SEPTIN9: variants seen among roughly 807,000 people sequenced by gnomAD.
SEPTIN9 encodes septin-9.
In SEPTIN9, 13 loss-of-function variants were observed where a neutral mutation model predicts 56.6. The ratio of observed to expected loss-of-function variants is 0.23; its 90% CI spans 0.15 to 0.37. The LOEUF is 0.37. Ranked by LOEUF, SEPTIN9 falls within the 10% of genes least tolerant of loss-of-function variation. The pLI is 1.00. For synonymous variants in SEPTIN9, 332 were observed against 334.1 expected (o/e 0.99, Z 0.07); for missense variants, 650 against 823.1 (o/e 0.79, Z 2.57).
At chr17:77,469,216 G>A (rs2038874995) in intron 3 of SEPTIN9, 1 of 152,768 alleles carries the variant, frequency 6.5e-6, no homozygotes. Flanking sequence ...AAGTCAGCTA[G>A]GGAGAGGGGC....
chr17:77,407,608 T>C (rs964319758), intron 3 of SEPTIN9, among the ~76,000 whole-genome samples: 2 of 151,804 alleles, frequency 1.3e-5, no homozygotes, highest in African/African-American at 4.8e-5. Context: ...GGCACCTAGA[T>C]GGTTGAAGGG....
intron 1 of SEPTIN9, among the ~76,000 whole-genome samples, chr17:77,306,792 C>T (rs553898320): frequency 2.2e-4 from 34 of 152,346 alleles, no homozygotes; most frequent in African/African-American, 7.5e-4. Context: ...GTCTGATGGA[C>T]GTGGGCTCAC....
chr17:77,393,865 C>G (rs2035621520), intron 2 of SEPTIN9, among the ~76,000 whole-genome samples: 2 of 152,178 alleles, frequency 1.3e-5, no homozygotes, highest in South Asian at 4.1e-4. Context: ...GGATTACAGG[C>G]ATGAGCCACC....
intron 1 of SEPTIN9, among the ~76,000 whole-genome samples, chr17:77,298,041 G>T (rs937363311): frequency 1.3e-5 from 2 of 152,170 alleles, no homozygotes; most frequent in African/African-American, 4.8e-5. Context: ...GGAGGGAGAC[G>T]CAGGTCAAAG....
In SEPTIN9 at chr17:77,311,234, C is replaced by A. The variant is rs2032480870; in HGVS notation, c.76+4037C>A. ...GGCAAGGAAGGACCCCCCCCCCACC[C>A]CACCCCAGAGCCTCCCTAGGGAGTG... is the stretch of plus-strand genomic sequence containing the variant. On this transcript the variant is annotated intron_variant, in intron 2 of 11. Transcript: ENST00000427177. 2.0e-5 allele frequency among the ~76,000 whole-genome samples: 3 copies of A among 150,254 alleles called. No homozygotes were observed. In the South Asian group the frequency reaches 6.4e-4, roughly 32 times the overall value.
At chr17:77,415,216 G>T (rs151117732) in intron 3 of SEPTIN9, among the ~76,000 whole-genome samples, 1 of 152,166 alleles carries the variant, frequency 6.6e-6, no homozygotes, top group Non-Finnish European at 1.5e-5. Context: ...CGGCTGGAGC[G>T]GCCCTGGGTT....
Position 77,421,853 on chromosome 17 carries a change from T to C in SEPTIN9, c.721+19150T>C, listed in dbSNP as rs1292280427. Among the ~76,000 whole-genome samples, 1 of 151,482 alleles carries C rather than the reference T, an allele frequency of 6.6e-6. No individual in the cohort carries two copies. Among genetic ancestry groups the C allele is most frequent in the Non-Finnish European group, 1.5e-5 (1 of 67,840 alleles). On this transcript the variant is annotated intron_variant, in intron 3 of 11. Coordinates refer to ENST00000427177, the MANE Select transcript of SEPTIN9 (RefSeq NM_001113491.2). This position sits in a 1 kb window ranked among gnomAD's most constrained non-coding sequence, Gnocchi z 4.6. Reference sequence around the variant, plus strand: ...GAAGGTTCTGCTAAGCTCCATGGAGTGTAGGGATTTTTTTTGAGACGGTCT... The same window carrying C: ...GAAGGTTCTGCTAAGCTCCATGGAGCGTAGGGATTTTTTTTGAGACGGTCT...
chr17:77,445,449 TTGG>T lies in SEPTIN9; in HGVS notation c.722-36688_722-36686del. 2 of 469,858 alleles carry T rather than the reference TTGG, an allele frequency of 4.3e-6. No homozygotes were observed. Among genetic ancestry groups the T allele is most frequent in the Non-Finnish European group, 8.8e-6 (2 of 226,576 alleles). The allele number at this position is 469,858 out of a possible 1,614,324, so 29.1% of individuals were successfully genotyped here. A position where few individuals can be genotyped will look rare whatever the true frequency, so the allele number is the denominator to read the frequency against. On this transcript the variant is annotated intron_variant, in intron 3 of 11. Transcript: ENST00000427177. This position sits in a 1 kb window ranked among gnomAD's most constrained non-coding sequence, Gnocchi z 4.7. ...CTGAGCTCTGTGCTCACAACCTGGC[TTGG>T]TGGTGGCCGAGGAGCTTGGCAGGAG...
intron 3 of SEPTIN9, among the ~76,000 whole-genome samples, chr17:77,417,841 G>C (rs112625048): frequency 0.02 from 3,066 of 152,292 alleles, 100 homozygotes; most frequent in African/African-American, 0.062. Flanking sequence ...CTACCGGAGG[G>C]GGGGTTCCAG....
chr17:77,324,102 C>T (rs112852737), intron 2 of SEPTIN9, among the ~76,000 whole-genome samples: 3,062 of 152,312 alleles, frequency 0.02, 48 homozygotes, highest in Non-Finnish European at 0.028. Context: ...CCACACCACT[C>T]GACCTCTGCC....
intron 3 of SEPTIN9, among the ~76,000 whole-genome samples, chr17:77,438,440 A>G (rs11869852): frequency 1.6e-3 from 251 of 152,338 alleles, no homozygotes; most frequent in African/African-American, 5.8e-3. Context: ...AGCACCTGGG[A>G]CTACGTTAGG....
chr17:77,295,551 C>G (rs558910303), intron 1 of SEPTIN9, among the ~76,000 whole-genome samples: 1 of 152,142 alleles, frequency 6.6e-6, no homozygotes, highest in African/African-American at 2.4e-5. Context: ...GAACCCAGCC[C>G]AAAGCCAGCA....
At chr17:77,477,767 C>CGGA (rs1357206388) in intron 3 of SEPTIN9, among the ~76,000 whole-genome samples, 2 of 152,058 alleles carry the variant, frequency 1.3e-5, no homozygotes, top group Non-Finnish European at 2.9e-5. Context: ...CTCCCAGCTG[C>CGGA]GGAGCCGGGA....
chr17:77,438,114 G>A (rs2037416351), intron 3 of SEPTIN9, among the ~76,000 whole-genome samples: 1 of 152,212 alleles, frequency 6.6e-6, no homozygotes, highest in Non-Finnish European at 1.5e-5. Flanking sequence ...TGACCGAAAG[G>A]AGCTGAAGGT....
intron 3 of SEPTIN9, among the ~76,000 whole-genome samples, chr17:77,448,771 T>A (rs1186162711): frequency 6.6e-6 from 1 of 152,102 alleles, no homozygotes; most frequent in African/African-American, 2.4e-5. Flanking sequence ...TTTAATGATT[T>A]CCTTTTTCTT....
At chr17:77,463,103 G>A (rs1206595124) in intron 3 of SEPTIN9, among the ~76,000 whole-genome samples, 1 of 152,222 alleles carries the variant, frequency 6.6e-6, no homozygotes, top group Non-Finnish European at 1.5e-5. Flanking sequence ...AGATGAGGCT[G>A]TTCCTTTCCG....
At chr17:77,314,731 G>GC (rs1217797697) in intron 2 of SEPTIN9, among the ~76,000 whole-genome samples, 1 of 152,212 alleles carries the variant, frequency 6.6e-6, no homozygotes, top group Non-Finnish European at 1.5e-5. Context: ...TTTCCCGAAG[G>GC]CCCCTGCTGC....
At chr17:77,424,222 C>G (rs1171488454) in intron 3 of SEPTIN9, among the ~76,000 whole-genome samples, 1 of 152,254 alleles carries the variant, frequency 6.6e-6, no homozygotes, top group Non-Finnish European at 1.5e-5. Context: ...GAGAAGGCAC[C>G]GAGGCACAGA....
At chr17:77,395,551 T>C (rs115210431) in intron 2 of SEPTIN9, among the ~76,000 whole-genome samples, 3,452 of 140,976 alleles carry the variant, frequency 0.024, 134 homozygotes, top group African/African-American at 0.083. Context: ...AAAAGAACAA[T>C]ATCGATGGTT....
Sources: gnomAD v4.1 joint callset for allele counts (sites outside exome capture counted in the v4.1 genomes callset) on GRCh38, gnomAD v4.1.1 for gene constraint, Gnocchi (gnomAD v3.1) non-coding constraint, MANE v1.5 for transcripts, NCBI Gene and HGNC (gene_info 2026-07-23, HGNC 2026-07-21) for gene names.